The following GRIK2 variants were observed in gnomAD, a reference collection of about 807,000 sequenced individuals.
GRIK2 encodes the protein glutamate receptor ionotropic, kainate 2.
GRIK2 carries 32 observed loss-of-function variants against 100.3 expected under a neutral mutation model. The ratio of observed to expected loss-of-function variants is 0.32; its 90% CI spans 0.24 to 0.43. The LOEUF is 0.43. Among genes scored for constraint, GRIK2 ranks in the 20% least tolerant of loss-of-function variants. GRIK2 has a pLI of 1.00. For synonymous variants in GRIK2, 417 were observed against 389.4 expected (o/e 1.07, Z -0.83); for missense variants, 843 against 1,114.9 (o/e 0.76, Z 3.47).
chr6:101,691,303 C>CT lies in GRIK2; in HGVS notation c.951+4964dup, dbSNP rs367732807. Reference sequence around the variant, plus strand: ...CAGAAGCTTAGAAATACTTTTTTTTCTTTTTTTTTTTTTTGAGACAGAGTC... The same window carrying CT: ...CAGAAGCTTAGAAATACTTTTTTTTCTTTTTTTTTTTTTTTGAGACAGAGTC... On this transcript the variant is annotated intron_variant, in intron 7 of 16. Transcript: ENST00000369134. Among the ~76,000 whole-genome samples, 364 of 141,056 alleles carry CT rather than the reference C, an allele frequency of 2.6e-3. 1 individual carries two copies. Among genetic ancestry groups the CT allele is most frequent in the Middle Eastern group, 0.015 (4 of 274 alleles). The allele number at this position is 141,056 out of a possible 152,430, so 92.5% of individuals were successfully genotyped here.
intron 10 of GRIK2, among the ~76,000 whole-genome samples, chr6:101,833,217 CGTT>C (rs1782816398): frequency 6.6e-6 from 1 of 151,764 alleles, no homozygotes; most frequent in South Asian, 2.1e-4. Context: ...TCTTGTTTTT[CGTT>C]GTTGTTGTTT....
chr6:101,982,611 A>G (rs1793779938), intron 14 of GRIK2, among the ~76,000 whole-genome samples: 1 of 151,550 alleles, frequency 6.6e-6, no homozygotes, highest in African/African-American at 2.4e-5. Context: ...AACAACAACA[A>G]AACATCTGTT....
At chr6:101,724,735 G>A (rs1435999074) in intron 7 of GRIK2, among the ~76,000 whole-genome samples, 1 of 151,984 alleles carries the variant, frequency 6.6e-6, no homozygotes, top group Non-Finnish European at 1.5e-5. Context: ...TTAGAAATTG[G>A]TATCTGGTTG....
At chr6:101,514,433 G>A (rs1774477694) in intron 2 of GRIK2, among the ~76,000 whole-genome samples, 1 of 151,984 alleles carries the variant, frequency 6.6e-6, no homozygotes, top group African/African-American at 2.4e-5. Flanking sequence ...GACAGGGAAG[G>A]GAGAGGGGGA....
intron 10 of GRIK2, among the ~76,000 whole-genome samples, chr6:101,821,411 T>C (rs1318388775): frequency 6.6e-6 from 1 of 152,172 alleles, no homozygotes; most frequent in Non-Finnish European, 1.5e-5. Context: ...ACTTTGAATC[T>C]TGGACACTTT....
At chr6:101,933,446 G>A (rs889449246) in intron 14 of GRIK2, among the ~76,000 whole-genome samples, 1 of 151,764 alleles carries the variant, frequency 6.6e-6, no homozygotes, top group East Asian at 1.9e-4. Flanking sequence ...TTGTCATTTT[G>A]TTTGGCTATC....
intron 7 of GRIK2, among the ~76,000 whole-genome samples, chr6:101,723,321 T>C (rs953916362): frequency 3.3e-5 from 5 of 152,040 alleles, no homozygotes; most frequent in Admixed American, 1.3e-4. Context: ...ACAGTGTTTA[T>C]CCATTCCATT....
intron 10 of GRIK2, among the ~76,000 whole-genome samples, chr6:101,844,801 T>C (rs1783712051): frequency 2.0e-5 from 3 of 152,160 alleles, no homozygotes; most frequent in Admixed American, 1.3e-4. Flanking sequence ...GCTAGATACA[T>C]GTTTTTTGTA....
At chr6:101,955,576 T>TTTCTCTC in intron 14 of GRIK2, among the ~76,000 whole-genome samples, 1 of 116,288 alleles carries the variant, frequency 8.6e-6, no homozygotes, top group Admixed American at 9.3e-5. Context: ...GAGCAAGGCC[T>TTTCTCTC]TCTCTCTCTC....
intron 14 of GRIK2, among the ~76,000 whole-genome samples, chr6:102,033,254 A>G (rs1233625674): frequency 1.3e-5 from 2 of 149,102 alleles, no homozygotes; most frequent in African/African-American, 5.1e-5. Context: ...AAATTCTATT[A>G]TTCTTTCTGG....
intron 2 of GRIK2, among the ~76,000 whole-genome samples, chr6:101,402,403 C>G (rs913877133): frequency 6.6e-6 from 1 of 152,164 alleles, no homozygotes; most frequent in African/African-American, 2.4e-5. Flanking sequence ...TCCTGTTTCC[C>G]CCTTAACCTC....
rs192451208 is a variant in GRIK2, at chr6:101,394,321, T to G, written c.-294+484T>G. On this transcript the variant is annotated intron_variant, in intron 1 of 16. Transcript: ENST00000369134. ...TTTAACCGGCACCCGTATTAAGAGC[T>G]TCTGAAAAAACTTGGAGGGCGTCCC... is the stretch of plus-strand genomic sequence containing the variant. Among the ~76,000 whole-genome samples, 114 of 152,332 alleles carry G rather than the reference T, an allele frequency of 7.5e-4. 1 individual carries two copies. Among genetic ancestry groups the G allele is most frequent in the Non-Finnish European group, 1.3e-3 (91 of 68,036 alleles).
At chr6:101,896,062 T>A (rs1452419092) in intron 12 of GRIK2, among the ~76,000 whole-genome samples, 9 of 151,920 alleles carry the variant, frequency 5.9e-5, no homozygotes, top group Admixed American at 5.3e-4. Flanking sequence ...ATAATATTTT[T>A]AAAATTATTA....
At chr6:101,560,993 T>C (rs146410524) in intron 2 of GRIK2, among the ~76,000 whole-genome samples, 170 of 152,308 alleles carry the variant, frequency 1.1e-3, no homozygotes, top group African/African-American at 4.0e-3. Flanking sequence ...CATGCCTTTA[T>C]TGGTTATTCA....
chr6:101,873,787 T>C (rs1785603350), intron 11 of GRIK2, among the ~76,000 whole-genome samples: 1 of 151,916 alleles, frequency 6.6e-6, no homozygotes, highest in Admixed American at 6.6e-5. Flanking sequence ...TGATCACCAT[T>C]CTAACTGGTG....
At chr6:101,650,156 A>G (rs1487292274) in intron 4 of GRIK2, among the ~76,000 whole-genome samples, 1 of 152,150 alleles carries the variant, frequency 6.6e-6, no homozygotes, top group Non-Finnish European at 1.5e-5. Flanking sequence ...TTCAGAGCAC[A>G]TAGGATTTTT....
intron 9 of GRIK2, among the ~76,000 whole-genome samples, chr6:101,806,487 A>T (rs1031537679): frequency 1.3e-5 from 2 of 152,050 alleles, no homozygotes; most frequent in African/African-American, 4.8e-5. Flanking sequence ...TATTTTTAAA[A>T]GGAAATTGAC....
intron 7 of GRIK2, among the ~76,000 whole-genome samples, chr6:101,728,435 G>A (rs539785943): frequency 2.0e-5 from 3 of 152,132 alleles, no homozygotes; most frequent in African/African-American, 7.2e-5. Context: ...ACAGTAGAGT[G>A]CCACAGCCAA....
chr6:101,643,134 C>G (rs1434741776), intron 4 of GRIK2, among the ~76,000 whole-genome samples: 1 of 151,576 alleles, frequency 6.6e-6, no homozygotes, highest in Non-Finnish European at 1.5e-5. Flanking sequence ...AACTGACTAT[C>G]AGATATATTA....
Sources: allele counts gnomAD v4.1 joint callset (sites outside exome capture counted in the v4.1 genomes callset), GRCh38; gene constraint gnomAD v4.1.1; transcripts MANE v1.5; gene names NCBI Gene and HGNC (gene_info 2026-07-23, HGNC 2026-07-21).